Variants in CTNND2 observed in about 807,000 individuals in gnomAD.
The protein encoded by CTNND2 is catenin delta-2.
Under a neutral mutation model 144.4 loss-of-function variants are expected in CTNND2, and 22 were observed. The observed-to-expected ratio is 0.15, with a 90% CI of 0.11 to 0.22. The LOEUF is 0.22. Ranked by LOEUF, CTNND2 falls within the 10% of genes least tolerant of loss-of-function variation. CTNND2 has a pLI of 1.00. For synonymous variants in CTNND2, 751 were observed against 695.6 expected, an observed-to-expected ratio of 1.08 and a Z score of -1.25; for missense variants, 1,353 against 1,618.8, an observed-to-expected ratio of 0.84 and a Z score of 2.82.
intron 1 of CTNND2, among the ~76,000 whole-genome samples, chr5:11,859,127 T>C (rs1243123808): frequency 1.3e-5 from 2 of 152,216 alleles, no homozygotes; most frequent in African/African-American, 4.8e-5. Flanking sequence ...ACTGAACCAC[T>C]GCAAGAGCAT....
intron 3 of CTNND2, among the ~76,000 whole-genome samples, chr5:11,446,117 G>A (rs939126784): frequency 4.6e-5 from 7 of 152,112 alleles, no homozygotes; most frequent in African/African-American, 7.2e-5. Context: ...GACCACAGGT[G>A]TGCACCACCA....
At chr5:10,997,417 C>A (rs933487727) in intron 18 of CTNND2, among the ~76,000 whole-genome samples, 1 of 152,000 alleles carries the variant, frequency 6.6e-6, no homozygotes, top group Admixed American at 6.6e-5. Flanking sequence ...CATGGTGAAA[C>A]CCCGTCTTTA....
rs1017168161 is a variant in CTNND2, at chr5:11,384,067, A to T, written c.1177+598T>A. The stretch of plus-strand genomic sequence containing the variant: ...TTGTCGCAAATGTTAGGACCCAAGT[A>T]CATCCAATGACAGGTATGGGAGAGT... On this transcript the variant is annotated intron_variant, in intron 7 of 21. Transcript: ENST00000304623. The surrounding 1 kb of genome is among the most constrained non-coding windows in gnomAD (Gnocchi z 5.2). Among the ~76,000 whole-genome samples the T allele has an allele frequency of 2.0e-5, 3 of 152,214 alleles. No homozygotes were observed. The highest frequency in any genetic ancestry group is 7.2e-5 in the African/African-American group (3 of 41,444).
chr5:11,615,561 A>C (rs1206984877), intron 2 of CTNND2, among the ~76,000 whole-genome samples: 1 of 152,190 alleles, frequency 6.6e-6, no homozygotes, highest in Admixed American at 6.5e-5. Context: ...TAGATCTTTG[A>C]AATCATCTAC....
In CTNND2 at chr5:11,845,107, C is replaced by T. The variant is rs16901931; in HGVS notation, c.37+58710G>A. Among the ~76,000 whole-genome samples, 552 of 152,200 alleles carry T rather than the reference C, an allele frequency of 3.6e-3. 7 individuals carry two copies. The East Asian group carries it at 0.04, about 11-fold the overall frequency. Reference sequence around the variant, plus strand: ...AGCTATGTTAGGACAGCAGCTTCAACGTGGAAATCAGGTTTCTACCATCTA... The same window carrying T: ...AGCTATGTTAGGACAGCAGCTTCAATGTGGAAATCAGGTTTCTACCATCTA... On this transcript the variant is annotated intron_variant, in intron 1 of 21. Transcript: ENST00000304623.
At chr5:10,993,189 C>T (rs1288004671) in intron 18 of CTNND2, among the ~76,000 whole-genome samples, 1 of 152,180 alleles carries the variant, frequency 6.6e-6, no homozygotes, top group African/African-American at 2.4e-5. Flanking sequence ...CCTCGCCTGT[C>T]TCCAAGCTGG....
intron 15 of CTNND2, among the ~76,000 whole-genome samples, chr5:11,095,238 C>T (rs1336516750): frequency 2.6e-5 from 4 of 152,194 alleles, no homozygotes; most frequent in Non-Finnish European, 5.9e-5. Flanking sequence ...AATCTCAGCA[C>T]AGTAGGAACC....
At position 11,022,814 on chromosome 5, in the gene CTNND2, C is replaced by G; in HGVS notation, c.2954G>C (p.Gly985Ala). 6.2e-7 allele frequency: 1 copy of G among 1,614,196 alleles called. No homozygotes were observed. Among genetic ancestry groups the G allele is most frequent in the Non-Finnish European group, 8.5e-7 (1 of 1,180,034 alleles). ...MENAKALRDA[G>A]GIEKLVGISK... ...GATGCCGACCAACTTCTCGATGCCA[C>G]CGGCATCCCGTAAGGCCTTGGCGTT... The change falls in exon 17 of 22, where the codon GGT (glycine) becomes GCT (alanine). Residue 985 changes from glycine to alanine, a missense_variant. Around this residue, in one of 4 missense-constraint regions of CTNND2, gnomAD observed 459 missense variants for 674.3 expected, o/e 0.68. Coordinates refer to ENST00000304623, the MANE Select transcript of CTNND2 (RefSeq NM_001332.4).
At chr5:11,683,557 G>C (rs1012297000) in intron 2 of CTNND2, among the ~76,000 whole-genome samples, 1 of 152,200 alleles carries the variant, frequency 6.6e-6, no homozygotes. Flanking sequence ...AACTGTTGAA[G>C]ACCGTCTTTG....
intron 3 of CTNND2, among the ~76,000 whole-genome samples, chr5:11,430,777 T>C (rs2149873536): frequency 6.6e-6 from 1 of 152,342 alleles, no homozygotes; most frequent in Admixed American, 6.5e-5. Context: ...TGTCAGGGAA[T>C]AGAGAACAGA....
At chr5:11,774,935 T>A (rs1281033681) in intron 1 of CTNND2, among the ~76,000 whole-genome samples, 3 of 152,168 alleles carry the variant, frequency 2.0e-5, no homozygotes, top group Non-Finnish European at 4.4e-5. Flanking sequence ...GGAAGTGCAG[T>A]CACCAGCTTC....
chr5:11,616,172 T>C (rs958892058), intron 2 of CTNND2, among the ~76,000 whole-genome samples: 5 of 152,176 alleles, frequency 3.3e-5, no homozygotes, highest in Non-Finnish European at 5.9e-5. Context: ...AGCTTTTCTT[T>C]CCAATTTAAT....
At chr5:11,106,460 G>C (rs1018967) in intron 14 of CTNND2, among the ~76,000 whole-genome samples, 2 of 152,110 alleles carry the variant, frequency 1.3e-5, no homozygotes, top group Non-Finnish European at 2.9e-5. Flanking sequence ...GGTCAGCAAA[G>C]TGACATAGAG....
At chr5:11,156,536 T>A (rs1243450852) in intron 12 of CTNND2, among the ~76,000 whole-genome samples, 1 of 152,218 alleles carries the variant, frequency 6.6e-6, no homozygotes, top group Non-Finnish European at 1.5e-5. Context: ...CTTTATATAT[T>A]CCTGAAACAA....
At chr5:11,077,303 G>C (rs141002118) in intron 16 of CTNND2, among the ~76,000 whole-genome samples, 1 of 152,274 alleles carries the variant, frequency 6.6e-6, no homozygotes, top group East Asian at 1.9e-4. Flanking sequence ...GAAGGTAATT[G>C]GGGCTGTGGA....
At position 11,104,747 on chromosome 5, in the gene CTNND2, G is replaced by A. The variant is rs61755679; in HGVS notation, c.2464-5999C>T. 1.4e-3 allele frequency among the ~76,000 whole-genome samples: 210 copies of A among 152,298 alleles called. 1 individual carries two copies. Among genetic ancestry groups the A allele is most frequent in the African/African-American group, 4.7e-3 (195 of 41,550 alleles). On this transcript the variant is annotated intron_variant, in intron 14 of 21. Coordinates refer to ENST00000304623, the MANE Select transcript of CTNND2 (RefSeq NM_001332.4). ...TGAGGCTGAGGCTGTGCAAAGAGGGGATAGAGTTGATGGCTAATTAGCTGT... is the reference window on the plus strand; with the variant it reads ...TGAGGCTGAGGCTGTGCAAAGAGGGAATAGAGTTGATGGCTAATTAGCTGT...
chr5:11,667,382 A>G (rs538162368), intron 2 of CTNND2, among the ~76,000 whole-genome samples: 312 of 152,318 alleles, frequency 2.0e-3, no homozygotes, highest in African/African-American at 7.1e-3. Flanking sequence ...CACTCCCAAC[A>G]ACAGTGTAAA....
intron 2 of CTNND2, among the ~76,000 whole-genome samples, chr5:11,643,147 G>T (rs974784639): frequency 6.6e-6 from 1 of 152,060 alleles, no homozygotes; most frequent in African/African-American, 2.4e-5. Flanking sequence ...AAAATAGATC[G>T]CAAACTGTAA....
intron 3 of CTNND2, among the ~76,000 whole-genome samples, chr5:11,551,432 CTTTTTTTT>C (rs70949326): frequency 3.0e-5 from 3 of 100,924 alleles, no homozygotes; most frequent in Admixed American, 1.1e-4. Context: ...TTTCTTTTTT[CTTTTTTTT>C]TTTTTTTTTT....
Sources: gnomAD v4.1 joint callset for allele counts (sites outside exome capture counted in the v4.1 genomes callset) on GRCh38, gnomAD v4.1.1 for gene constraint, gnomAD v4.1.1 regional missense constraint, Gnocchi (gnomAD v3.1) non-coding constraint, MANE v1.5 for transcripts, NCBI Gene and HGNC (gene_info 2026-07-23, HGNC 2026-07-21) for gene names.